Variants in OARD1 observed in about 807,000 individuals in gnomAD.
OARD1 encodes the protein O-acyl-ADP-ribose deacylase 1, also known as ADP-ribose glycohydrolase OARD1.
OARD1 carries 19 observed loss-of-function variants against 19.7 expected under a neutral mutation model. That is an observed-to-expected ratio of 0.96 (90% CI 0.67 to 1.41). The LOEUF (loss-of-function observed/expected upper bound fraction) is 1.41. Ranked by LOEUF, OARD1 falls within the 40% of genes most tolerant of loss-of-function variation. The pLI is 0.00. For missense variants in OARD1, 190 were observed against 183.8 expected (o/e 1.03, Z -0.20); for synonymous variants, 70 against 61.8 (o/e 1.13, Z -0.62).
At chr6:41,068,591 T>C (rs968284480) in intron 5 of OARD1, among the ~76,000 whole-genome samples, 1 of 152,248 alleles carries the variant, frequency 6.6e-6, no homozygotes, top group Non-Finnish European at 1.5e-5. Flanking sequence ...ATGGTCGCTC[T>C]CTGCTAAGCA....
At chr6:41,070,002 G>C (rs1300235048) in intron 4 of OARD1, 74 bp downstream of exon 4, 2 of 870,022 alleles carry the variant, frequency 2.3e-6, no homozygotes, top group South Asian at 2.6e-5. Flanking sequence ...ATGCAGTGCA[G>C]CCCATCTGTT....
intron 1 of OARD1, 182 bp from the exon 2 acceptor site, chr6:41,071,857 C>G: frequency 5.6e-6 from 3 of 537,256 alleles, no homozygotes; most frequent in Non-Finnish European, 1.0e-5. Context: ...CGCTTAGGTT[C>G]GGAGGCTGTC....
chr6:41,069,810 A>T, intron 4 of OARD1: 1 of 458,488 alleles, frequency 2.2e-6, no homozygotes, highest in Non-Finnish European at 3.9e-6. Context: ...TAACTTTTGC[A>T]AGTCTTAGAA....
rs769550709 is a variant in OARD1 at position 41,071,127 on chromosome 6, C to T, written c.184+5G>A. ...CAAACCAGGTAAGTGGTTTCCAAAACTCACGTTGATTTAAAAGTTCTTGCA... is the reference window on the plus strand; with the variant it reads ...CAAACCAGGTAAGTGGTTTCCAAAATTCACGTTGATTTAAAAGTTCTTGCA... On this transcript the variant is annotated splice_donor_5th_base_variant and intron_variant, in intron 3 of 5. Coordinates refer to ENST00000424266, the MANE Select transcript of OARD1 (RefSeq NM_001329686.2). 6.2e-7 allele frequency: 1 copy of T among 1,614,186 alleles called. No homozygotes were observed. Among genetic ancestry groups the T allele is most frequent in the South Asian group, 1.1e-5 (1 of 91,084 alleles).
chr6:41,092,439 C>T (rs1764220976), intron 1 of OARD1, among the ~76,000 whole-genome samples: 1 of 152,174 alleles, frequency 6.6e-6, no homozygotes, highest in South Asian at 2.1e-4. Context: ...TGGGAAAGAG[C>T]TGTGGGGTAC....
At chr6:41,084,282 A>G in intron 1 of OARD1, 1 of 1,422,254 alleles carries the variant, frequency 7.0e-7, no homozygotes, top group Non-Finnish European at 9.5e-7. Context: ...TTGATATTGC[A>G]TTTAACTGCT....
rs769331533 is a variant in OARD1, at chr6:41,067,418, G to A, written c.376C>T (p.Arg126Cys). The A allele has an allele frequency of 1.9e-5, 30 of 1,612,646 alleles. No homozygotes were observed. The East Asian group carries it at 5.1e-4, about 28-fold the overall frequency. The stretch of plus-strand genomic sequence containing the variant: ...GCAGATACATTTTCCCATTGCAGAC[G>A]ATCAAGACCACATCCAATCCTGAAA... ...SMPRIGCGLD[R>C]LQWENVSAMI... is the part of the protein sequence containing the mutation. Residue 126 changes from arginine (R) to cysteine (C), a missense_variant, in exon 6 of 6, where the codon CGT (arginine) becomes TGT (cysteine). Transcript: ENST00000424266.
chr6:41,073,293 G>A (rs941476843), upstream of OARD1, among the ~76,000 whole-genome samples: 3 of 151,606 alleles, frequency 2.0e-5, no homozygotes, highest in East Asian at 2.0e-4. Context: ...GGGCCGCCCC[G>A]CGCGGGGATG....
chr6:41,072,420 A>G (rs1467254334), upstream of OARD1: 2 of 152,344 alleles, frequency 1.3e-5, no homozygotes, highest in Non-Finnish European at 2.9e-5. Flanking sequence ...GCAGCGGACC[A>G]GCCCAAACGC....
chr6:41,093,926 A>G (rs1018745750), intron 1 of OARD1, among the ~76,000 whole-genome samples: 1 of 152,244 alleles, frequency 6.6e-6, no homozygotes, highest in Non-Finnish European at 1.5e-5. Context: ...AGGCAGAGGC[A>G]GGAGGATCAC....
chr6:41,090,041 C>T (rs576577040), intron 1 of OARD1, among the ~76,000 whole-genome samples: 4 of 152,166 alleles, frequency 2.6e-5, no homozygotes, highest in East Asian at 1.9e-4. Flanking sequence ...ACCCAGGAGG[C>T]GGAGGTTGCA....
At chr6:41,089,055 G>A (rs554107490) in intron 1 of OARD1, among the ~76,000 whole-genome samples, 2 of 151,914 alleles carry the variant, frequency 1.3e-5, no homozygotes, top group Non-Finnish European at 2.9e-5. Context: ...GCGTGATCTC[G>A]GCTCACTGCA....
At chr6:41,081,359 G>A (rs767797687) in intron 1 of OARD1, among the ~76,000 whole-genome samples, 4 of 152,010 alleles carry the variant, frequency 2.6e-5, no homozygotes, top group Non-Finnish European at 5.9e-5. Flanking sequence ...GCATGGTGGC[G>A]GGCACCTGTA....
chr6:41,068,809 A>G, intron 5 of OARD1, 32 bp downstream of exon 5: 2 of 1,159,098 alleles, frequency 1.7e-6, no homozygotes, highest in Non-Finnish European at 2.5e-6. Flanking sequence ...CCAATCAATT[A>G]AATCTCCATT....
chr6:41,089,849 G>A lies in OARD1; in HGVS notation c.-42+7864C>T. 3.3e-6 allele frequency: 4 copies of A among 1,214,044 alleles called. No individual in the cohort carries two copies. In the South Asian group the frequency reaches 6.4e-5, roughly 19 times the overall value. The allele number at this position is 1,214,044 out of a possible 1,614,324, so 75.2% of individuals were successfully genotyped here. Reference sequence around the variant, plus strand: ...AAAAATATATTTTTGGCCGGGCGCGGTGGCTCATGCCTGTAATCCCAGCAC... The same window carrying A: ...AAAAATATATTTTTGGCCGGGCGCGATGGCTCATGCCTGTAATCCCAGCAC... On this transcript the variant is annotated intron_variant, in intron 1 of 4. Transcript: ENST00000480585.
intron 5 of OARD1, among the ~76,000 whole-genome samples, 165 bp downstream of exon 5, chr6:41,068,676 G>C (rs1763155416): frequency 6.6e-6 from 1 of 152,244 alleles, no homozygotes; most frequent in Non-Finnish European, 1.5e-5. Flanking sequence ...CTGTGCCTTA[G>C]TCTAAAGCCA....
At chr6:41,080,344 A>G (rs1353797520) in intron 1 of OARD1, among the ~76,000 whole-genome samples, 1 of 152,184 alleles carries the variant, frequency 6.6e-6, no homozygotes, top group African/African-American at 2.4e-5. Flanking sequence ...ACATGAGAGC[A>G]TTGACGTCAT....
intron 1 of OARD1, among the ~76,000 whole-genome samples, chr6:41,096,813 G>T (rs1045646233): frequency 2.0e-5 from 3 of 152,210 alleles, no homozygotes; most frequent in Non-Finnish European, 4.4e-5. Context: ...AGGAGATTTG[G>T]GAGTTAGCCC....
Position 41,065,970 on chromosome 6 carries a change from A to T in OARD1, c.*1365T>A, listed in dbSNP as rs1384480189. The T allele has an allele frequency of 6.6e-6, 1 of 152,244 alleles. No individual in the cohort carries two copies. Among genetic ancestry groups the T allele is most frequent in the East Asian group, 1.9e-4 (1 of 5,196 alleles). 9.4% of individuals were successfully genotyped at this position (152,244 alleles called of 1,614,324 possible). A position where few individuals can be genotyped will look rare whatever the true frequency, so the allele number is the denominator to read the frequency against. ...AGCTCTGATACTGAACCATTGGCTA[A>T]ATCCATGAACTTTATTTTCCTACCA... On this transcript the variant is annotated 3_prime_UTR_variant, in exon 6 of 6. Transcript: ENST00000424266.
Sources: gnomAD v4.1 joint callset for allele counts (sites outside exome capture counted in the v4.1 genomes callset) on GRCh38, gnomAD v4.1.1 for gene constraint, MANE v1.5 for transcripts, NCBI Gene and HGNC (gene_info 2026-07-23, HGNC 2026-07-21) for gene names.